MEI1: variants seen among roughly 807,000 people sequenced by gnomAD.
MEI1 encodes meiosis inhibitor protein 1.
Under a neutral mutation model 146.2 loss-of-function variants are expected in MEI1, and 103 were observed. That is an observed-to-expected ratio of 0.70 (90% confidence interval 0.60 to 0.83). The LOEUF (loss-of-function observed/expected upper bound fraction) is 0.83, where lower values mean the gene tolerates loss of function less well. Ranked by LOEUF, MEI1 falls within the 40% of genes least tolerant of loss-of-function variation. The probability of loss-of-function intolerance (pLI) is 0.00; values close to 1 mark genes in which losing one functional copy is unlikely to be tolerated. For missense variants in MEI1, 1,529 were observed against 1,533.0 expected (o/e 1.00, Z 0.04); for synonymous variants, 652 against 628.2 (o/e 1.04, Z -0.57).
At chr22:41,768,094 A>C (rs1237688727) in intron 19 of MEI1, among the ~76,000 whole-genome samples, 1 of 152,110 alleles carries the variant, frequency 6.6e-6, no homozygotes, top group East Asian at 1.9e-4. Flanking sequence ...CTTGAAAATG[A>C]AATTAGGCCG....
At chr22:41,775,733 A>G (rs2075404930) in intron 20 of MEI1, among the ~76,000 whole-genome samples, 1 of 151,698 alleles carries the variant, frequency 6.6e-6, no homozygotes, top group Admixed American at 6.6e-5. Context: ...AGCTGGGACT[A>G]CAGGCACTTG....
At chr22:41,774,320 A>C (rs888560079) in intron 20 of MEI1, 1 of 152,184 alleles carries the variant, frequency 6.6e-6, no homozygotes, top group African/African-American at 2.4e-5. Flanking sequence ...CCTTCCTTTT[A>C]TACCTTTAAC....
chr22:41,718,485 G>A (rs192728377), intron 6 of MEI1, among the ~76,000 whole-genome samples: 1 of 152,262 alleles, frequency 6.6e-6, no homozygotes, highest in African/African-American at 2.4e-5. Context: ...AAAATAGGAA[G>A]GAAAGTGGGA....
chr22:41,738,019 C>T (rs1007440581), intron 11 of MEI1, among the ~76,000 whole-genome samples: 4 of 152,116 alleles, frequency 2.6e-5, no homozygotes, highest in Non-Finnish European at 5.9e-5. Flanking sequence ...TCAAATAATA[C>T]AAAACAAAAT....
chr22:41,751,185 T>C (rs2073724487), intron 15 of MEI1, among the ~76,000 whole-genome samples: 1 of 152,146 alleles, frequency 6.6e-6, no homozygotes, highest in African/African-American at 2.4e-5. Context: ...GAGGAGCCCA[T>C]CTGGAAGGGA....
At chr22:41,784,484 C>T in intron 25 of MEI1, 64 bp downstream of exon 25, 2 of 1,596,614 alleles carry the variant, frequency 1.3e-6, no homozygotes, top group Non-Finnish European at 1.7e-6. Context: ...ATAAGACCAG[C>T]ACCCTGACCA....
intron 16 of MEI1, 116 bp downstream of exon 16, chr22:41,752,767 T>C (rs2073855632): frequency 1.1e-6 from 1 of 883,512 alleles, no homozygotes; most frequent in Non-Finnish European, 1.9e-6. Context: ...GGTGTTGACA[T>C]AGTGTCAGCA....
chr22:41,786,386 C>T (rs751937834), intron 26 of MEI1, among the ~76,000 whole-genome samples: 5 of 152,172 alleles, frequency 3.3e-5, no homozygotes, highest in Non-Finnish European at 5.9e-5. Flanking sequence ...AAACAAAACT[C>T]AATTTGGCTT....
chr22:41,798,958 A>G (rs139560), intron 30 of MEI1, among the ~76,000 whole-genome samples: 25,438 of 151,550 alleles, frequency 0.17, 3,094 homozygotes, highest in Admixed American at 0.36. Context: ...ACCCAGAGAC[A>G]CTGCAGTCCA....
chr22:41,705,706 T>C (rs2069036573), intron 3 of MEI1, among the ~76,000 whole-genome samples, 152 bp downstream of exon 3: 1 of 142,956 alleles, frequency 7.0e-6, no homozygotes, highest in Non-Finnish European at 1.5e-5. Context: ...ATTTGTTTTT[T>C]ACTTTTTTTT....
chr22:41,737,441 G>A (rs935594777), intron 11 of MEI1, among the ~76,000 whole-genome samples: 14 of 152,038 alleles, frequency 9.2e-5, no homozygotes, highest in African/African-American at 3.4e-4. Flanking sequence ...GGGTTTCAGT[G>A]TGTTAGCCAG....
chr22:41,745,612 A>G (rs2073225224), intron 13 of MEI1, among the ~76,000 whole-genome samples: 1 of 152,154 alleles, frequency 6.6e-6, no homozygotes, highest in African/African-American at 2.4e-5. Flanking sequence ...ATGAATGGGA[A>G]ATAGCAAATA....
At position 41,781,353 on chromosome 22, in the gene MEI1, A is replaced by G; in HGVS notation, c.2885A>G (p.Tyr962Cys). 1 of 1,613,646 alleles carries G rather than the reference A, an allele frequency of 6.2e-7. No individual in the cohort carries two copies. The highest frequency in any genetic ancestry group is 8.5e-7 in the Non-Finnish European group (1 of 1,179,806). The change falls in exon 23 of 31, where the codon TAT becomes TGT. Residue 962 changes from tyrosine to cysteine, a missense_variant. Physicochemically the swap from Tyr to Cys is radical, Grantham distance 194 (BLOSUM62 -2). Coordinates refer to ENST00000401548, the MANE Select transcript of MEI1 (RefSeq NM_152513.4). ...CTGCAGCCCTCCTTCAACTTCCTGT[A>G]TTGGAGCCTTCATCAGACCACACCC... is the stretch of plus-strand genomic sequence containing the variant. The part of the protein sequence containing the change: ...DILQPSFNFL[Y>C]WSLHQTTPSS...
rs893855090 is a variant in MEI1, at chr22:41,783,971, CTG to C, written c.3088-366_3088-365del. ...GTGCTGGGATTACAGGTGTAAGCCACTGTACCTGACTTGAGAGCCAGGATTTT... is the reference window on the plus strand; with the variant it reads ...GTGCTGGGATTACAGGTGTAAGCCACTACCTGACTTGAGAGCCAGGATTTT... On this transcript the variant is annotated intron_variant, in intron 24 of 30. Transcript: ENST00000401548. Among the ~76,000 whole-genome samples the C allele has an allele frequency of 2.0e-5, 3 of 152,226 alleles. 1 individual carries two copies. Among genetic ancestry groups the C allele is most frequent in the Non-Finnish European group, 4.4e-5 (3 of 68,042 alleles).
rs776927655 is a variant in MEI1, at chr22:41,781,824, G to A, written c.3066G>A (p.Gln1022=). Residue 1022 remains glutamine (Q), a synonymous_variant, in exon 24 of 31, where the codon CAG becomes CAA. Coordinates refer to ENST00000401548, the MANE Select transcript of MEI1 (RefSeq NM_152513.4). ...AWLLTASFSA[Q]QHKGSLQVHQ... ...TGCTCACTGCCTCCTTCTCTGCCCA[G>A]CAGCACAAGGGCAGTTTGCAGGTTA... is the stretch of plus-strand genomic sequence containing the variant. The A allele has an allele frequency of 6.2e-7, 1 of 1,613,974 alleles. No homozygotes were observed. Among genetic ancestry groups the A allele is most frequent in the Admixed American group, 1.7e-5 (1 of 60,024 alleles).
chr22:41,784,601 C>G lies in MEI1; in HGVS notation c.3170-7C>G. 6.2e-7 allele frequency: 1 copy of G among 1,610,830 alleles called. No homozygotes were observed. ...GGAATTGGGTGTAAGGAATCTCCTG[C>G]TTCCAGCTGCCATCTTATGCTTCCT... On this transcript the variant is annotated splice_region_variant and splice_polypyrimidine_tract_variant and intron_variant, in intron 25 of 30. Coordinates refer to ENST00000401548, the MANE Select transcript of MEI1 (RefSeq NM_152513.4).
intron 16 of MEI1, 38 bp downstream of exon 16, chr22:41,752,689 G>A (rs775374515): frequency 1.2e-5 from 19 of 1,542,748 alleles, no homozygotes; most frequent in Admixed American, 3.8e-5. Context: ...TGGCCAAGGG[G>A]CCAATGTCCC....
At chr22:41,736,172 A>G (rs1400118798) in intron 11 of MEI1, among the ~76,000 whole-genome samples, 6 of 151,898 alleles carry the variant, frequency 4.0e-5, no homozygotes, top group Admixed American at 3.9e-4. Flanking sequence ...CTCTGTGACT[A>G]CATTGTCTTC....
intron 11 of MEI1, among the ~76,000 whole-genome samples, chr22:41,735,906 T>G (rs2072322510): frequency 6.6e-6 from 1 of 152,228 alleles, no homozygotes; most frequent in Non-Finnish European, 1.5e-5. Context: ...AATCTATAGT[T>G]CTTGCCTAAA....
Sources: gnomAD v4.1 joint callset for allele counts (sites outside exome capture counted in the v4.1 genomes callset) on GRCh38, gnomAD v4.1.1 for gene constraint, MANE v1.5 for transcripts, NCBI Gene and HGNC (gene_info 2026-07-23, HGNC 2026-07-21) for gene names.